The following PRKG1 variants were observed in gnomAD, a reference collection of about 807,000 sequenced individuals.
PRKG1 encodes cGMP-dependent protein kinase 1.
A neutral mutation model predicts 88.1 loss-of-function variants in PRKG1; 35 were observed. The observed-to-expected ratio is 0.40, with a 90% CI of 0.30 to 0.53. The LOEUF is 0.53. Ranked by LOEUF, PRKG1 falls within the 20% of genes least tolerant of loss-of-function variation. PRKG1 has a pLI of 0.59. For missense variants in PRKG1, 540 were observed against 839.8 expected (o/e 0.64, Z 4.41); for synonymous variants, 303 against 292.5 (o/e 1.04, Z -0.37).
chr10:51,761,085 G>C (rs1838010337), intron 3 of PRKG1, among the ~76,000 whole-genome samples: 1 of 152,182 alleles, frequency 6.6e-6, no homozygotes. Context: ...TTACACTCCA[G>C]TCTGGGTTAT....
intron 5 of PRKG1, chr10:51,909,476 A>G (rs1188135556): frequency 6.6e-6 from 1 of 152,204 alleles, no homozygotes; most frequent in Non-Finnish European, 1.5e-5. Context: ...AGTTATTGAA[A>G]GATCATTTAC....
At chr10:51,600,807 A>G (rs1367791162) in intron 3 of PRKG1, among the ~76,000 whole-genome samples, 1 of 152,110 alleles carries the variant, frequency 6.6e-6, no homozygotes, top group Non-Finnish European at 1.5e-5. Context: ...ATCTCAATCA[A>G]ATTTAGTCAT....
In PRKG1 at chr10:51,981,878, G is replaced by T. The variant is rs142107917; in HGVS notation, c.763-72606G>T. Among the ~76,000 whole-genome samples the T allele has an allele frequency of 3.0e-3, 462 of 152,252 alleles. 5 individuals are homozygous for T. The highest frequency in any genetic ancestry group is 0.011 in the African/African-American group (441 of 41,560). ...TGGCCTCTCTAGCTGGGTTGGAGAA[G>T]TTCTCATGGATGATATCCTAAAACA... On this transcript the variant is annotated intron_variant, in intron 5 of 17. Transcript: ENST00000373980.
rs1460349254 is a variant in PRKG1, at chr10:51,839,086, A to G, written c.698+34396A>G. On this transcript the variant is annotated intron_variant, in intron 4 of 17. Coordinates refer to ENST00000373980, the MANE Select transcript of PRKG1 (RefSeq NM_006258.4). ...TGCAGCAGAAATGTGTCAGAAATGT[A>G]GAAACTGACATTTCAGGACTGCCCC... Among the ~76,000 whole-genome samples, 4 of 152,220 alleles carry G rather than the reference A, an allele frequency of 2.6e-5. No individual in the cohort carries two copies. In the East Asian group the frequency reaches 7.7e-4, roughly 29 times the overall value.
At chr10:51,674,059 T>A (rs576836323) in intron 3 of PRKG1, among the ~76,000 whole-genome samples, 18 of 152,284 alleles carry the variant, frequency 1.2e-4, no homozygotes, top group African/African-American at 4.3e-4. Flanking sequence ...CCAAGAGACT[T>A]TTGTCTCTTT....
chr10:51,462,864 GA>G (rs1301775511), intron 2 of PRKG1, among the ~76,000 whole-genome samples: 1 of 151,972 alleles, frequency 6.6e-6, no homozygotes, highest in Non-Finnish European at 1.5e-5. Context: ...TCTTCCTTAT[GA>G]ATATGGTGGT....
At chr10:52,024,602 A>C (rs2133198319) in intron 5 of PRKG1, among the ~76,000 whole-genome samples, 1 of 152,132 alleles carries the variant, frequency 6.6e-6, no homozygotes, top group Admixed American at 6.5e-5. Flanking sequence ...TCCTTGCAAT[A>C]GTTTGCTGAG....
chr10:51,946,527 A>G (rs1843039342), intron 5 of PRKG1, among the ~76,000 whole-genome samples: 2 of 152,134 alleles, frequency 1.3e-5, no homozygotes, highest in South Asian at 4.1e-4. Flanking sequence ...TTGGAAGAGG[A>G]GAGGCTCTCT....
At chr10:51,131,466 G>A (rs565474902) in intron 1 of PRKG1, among the ~76,000 whole-genome samples, 16 of 152,246 alleles carry the variant, frequency 1.1e-4, no homozygotes, top group African/African-American at 3.9e-4. Flanking sequence ...AAGATGATGG[G>A]CTGGGAGCGG....
chr10:51,187,373 A>G (rs556056739), intron 2 of PRKG1, among the ~76,000 whole-genome samples: 27 of 152,034 alleles, frequency 1.8e-4, no homozygotes, highest in Non-Finnish European at 3.2e-4. Context: ...TCTTGAGAAC[A>G]GGATACCTGC....
chr10:52,244,730 AC>A (rs1840962255), intron 9 of PRKG1, among the ~76,000 whole-genome samples: 1 of 118,956 alleles, frequency 8.4e-6, no homozygotes, highest in Admixed American at 9.2e-5. Flanking sequence ...AAAAATATAT[AC>A]TTTAATATAT....
At position 51,657,776 on chromosome 10, in the gene PRKG1, C is replaced by T. The variant is rs576543734; in HGVS notation, c.593-146809C>T. Among the ~76,000 whole-genome samples, 64 of 152,100 alleles carry T rather than the reference C, an allele frequency of 4.2e-4. 1 individual carries two copies. The highest frequency in any genetic ancestry group is 7.5e-4 in the Non-Finnish European group (51 of 68,006). The stretch of plus-strand genomic sequence containing the variant: ...CAGTTATATTGGAACCCATTTTTAA[C>T]AGGCTTCCAACAGGAGAATAAAGTA... On this transcript the variant is annotated intron_variant, in intron 3 of 17. Coordinates refer to ENST00000373980, the MANE Select transcript of PRKG1 (RefSeq NM_006258.4).
chr10:51,907,289 C>T (rs1842105789), intron 4 of PRKG1, among the ~76,000 whole-genome samples: 1 of 152,032 alleles, frequency 6.6e-6, no homozygotes, highest in African/African-American at 2.4e-5. Context: ...ATGCCTTTTC[C>T]CTGTTAGACA....
intron 2 of PRKG1, among the ~76,000 whole-genome samples, chr10:51,174,098 T>A (rs546912475): frequency 2.6e-4 from 40 of 152,018 alleles, no homozygotes; most frequent in African/African-American, 7.2e-4. Context: ...ACCACAAAAA[T>A]ATAAGTATGT....
chr10:51,003,748 T>C (rs1257896528), intron 1 of PRKG1, among the ~76,000 whole-genome samples: 1 of 152,224 alleles, frequency 6.6e-6, no homozygotes, highest in African/African-American at 2.4e-5. Context: ...TTTCCGTAAA[T>C]CTTTATATGT....
chr10:51,317,661 A>G (rs1169481249), intron 2 of PRKG1, among the ~76,000 whole-genome samples: 1 of 152,230 alleles, frequency 6.6e-6, no homozygotes, highest in East Asian at 1.9e-4. Flanking sequence ...AGGAAGATGA[A>G]TAATGGGAAA....
At chr10:51,662,530 A>C (rs1201039504) in intron 3 of PRKG1, among the ~76,000 whole-genome samples, 1 of 152,180 alleles carries the variant, frequency 6.6e-6, no homozygotes, top group Non-Finnish European at 1.5e-5. Flanking sequence ...CATTAAACAT[A>C]TGTAGAATTT....
intron 9 of PRKG1, among the ~76,000 whole-genome samples, chr10:52,181,251 C>T (rs544713018): frequency 6.6e-6 from 1 of 152,088 alleles, no homozygotes; most frequent in African/African-American, 2.4e-5. Flanking sequence ...CACATGGCTT[C>T]TTAGCTAACT....
chr10:51,153,157 G>T lies in PRKG1; in HGVS notation c.312-7G>T, dbSNP rs762626133. 7 of 1,607,930 alleles carry T rather than the reference G, an allele frequency of 4.4e-6. No individual in the cohort carries two copies. The South Asian group carries it at 6.6e-5, about 15-fold the overall frequency. On this transcript the variant is annotated splice_polypyrimidine_tract_variant and splice_region_variant and intron_variant, in intron 1 of 17. Coordinates refer to ENST00000373980, the MANE Select transcript of PRKG1 (RefSeq NM_006258.4). ...TGTGCCAGTAAATCTTCCCTCTCTT[G>T]CCATAGGTCCAAGGATCTTATAAAG... is the stretch of plus-strand genomic sequence containing the variant.
Sources: gnomAD v4.1 joint callset for allele counts (sites outside exome capture counted in the v4.1 genomes callset) on GRCh38, gnomAD v4.1.1 for gene constraint, MANE v1.5 for transcripts, NCBI Gene and HGNC (gene_info 2026-07-23, HGNC 2026-07-21) for gene names.